Variants in CACNA1A observed in about 807,000 individuals in gnomAD.
The protein encoded by CACNA1A is calcium voltage-gated channel subunit alpha1 A.
CACNA1A carries 57 observed loss-of-function variants against 262.4 expected under a neutral mutation model. The observed-to-expected ratio is 0.22, with a 90% CI of 0.18 to 0.27. The LOEUF (loss-of-function observed/expected upper bound fraction) is 0.27, where lower values mean the gene tolerates loss of function less well. Among genes scored for constraint, CACNA1A ranks in the 10% least tolerant of loss-of-function variants. The pLI, the probability that CACNA1A is intolerant of heterozygous loss-of-function variation, is 1.00. For synonymous variants in CACNA1A, 1,431 were observed against 1,419.3 expected (o/e 1.01, Z -0.18); for missense variants, 2,526 against 3,562.8 (o/e 0.71, Z 7.41).
rs181650091 is a variant in CACNA1A, at chr19:13,335,456, G to A, written c.1082+350C>T. On this transcript the variant is annotated intron_variant, in intron 7 of 46. Transcript: ENST00000360228. ...AAAAATGAAGCCCATTTATGATTAA[G>A]CCAAAAAAATCTTGGGGATAGAGGA... is the stretch of plus-strand genomic sequence containing the variant. Among the ~76,000 whole-genome samples the A allele has an allele frequency of 4.2e-4, 64 of 152,228 alleles. 1 individual carries two copies. The East Asian group carries it at 0.012, about 29-fold the overall frequency.
At chr19:13,402,747 T>C (rs894824152) in intron 3 of CACNA1A, among the ~76,000 whole-genome samples, 2 of 143,922 alleles carry the variant, frequency 1.4e-5, no homozygotes, top group Non-Finnish European at 3.0e-5. Context: ...TATATACACA[T>C]ATATATACAC....
intron 19 of CACNA1A, among the ~76,000 whole-genome samples, chr19:13,294,303 A>G (rs1277870333): frequency 6.6e-6 from 1 of 151,940 alleles, no homozygotes; most frequent in African/African-American, 2.4e-5. Context: ...GAGCACTAGA[A>G]AGTCATGAAG....
intron 1 of CACNA1A, among the ~76,000 whole-genome samples, chr19:13,485,693 T>A (rs929125724): frequency 2.0e-5 from 3 of 152,176 alleles, no homozygotes; most frequent in African/African-American, 7.2e-5. Context: ...AGAAAGGCTA[T>A]AACTTAAAAA....
intron 9 of CACNA1A, among the ~76,000 whole-genome samples, chr19:13,332,472 C>A (rs988044332): frequency 6.6e-6 from 1 of 151,976 alleles, no homozygotes; most frequent in Non-Finnish European, 1.5e-5. Flanking sequence ...AGACAGCAGC[C>A]GTTCACAGTA....
intron 36 of CACNA1A, among the ~76,000 whole-genome samples, chr19:13,227,851 G>A (rs2144612109): frequency 6.6e-6 from 1 of 151,852 alleles, no homozygotes; most frequent in East Asian, 1.9e-4. Context: ...GATGCGGAGG[G>A]GAGGGAGAAT....
chr19:13,387,337 C>T (rs2059632701), intron 3 of CACNA1A, among the ~76,000 whole-genome samples: 1 of 152,184 alleles, frequency 6.6e-6, no homozygotes, highest in African/African-American at 2.4e-5. Context: ...AATGTATTCT[C>T]TTCCAGGTTG....
intron 1 of CACNA1A, among the ~76,000 whole-genome samples, chr19:13,489,920 T>G (rs1980550611): frequency 6.6e-6 from 1 of 152,214 alleles, no homozygotes; most frequent in Admixed American, 6.5e-5. Flanking sequence ...GAGATCTTTA[T>G]TTTTGAGCCT....
At chr19:13,446,604 G>A (rs1378116386) in intron 3 of CACNA1A, among the ~76,000 whole-genome samples, 2 of 143,842 alleles carry the variant, frequency 1.4e-5, no homozygotes. Context: ...ACACCACCAT[G>A]CCAGGCTTTT....
At chr19:13,228,825 G>T in intron 36 of CACNA1A, 1 of 1,353,490 alleles carries the variant, frequency 7.4e-7, no homozygotes, top group Non-Finnish European at 1.0e-6. Flanking sequence ...GGTTAGTGCA[G>T]GCAATGGGTT....
In CACNA1A at chr19:13,301,652, C is replaced by T. The variant is rs1047123409; in HGVS notation, c.2173-996G>A. Among the ~76,000 whole-genome samples, 8 of 152,276 alleles carry T rather than the reference C, an allele frequency of 5.3e-5. No homozygotes were observed. In the South Asian group the frequency reaches 8.3e-4, roughly 16 times the overall value. ...TTCAGCCTTCATGCAGGGCCTCATTCGTAAAACAGAAAAGCCAACAAAGAA... is the reference window on the plus strand; with the variant it reads ...TTCAGCCTTCATGCAGGGCCTCATTTGTAAAACAGAAAAGCCAACAAAGAA... On this transcript the variant is annotated intron_variant, in intron 17 of 46. Transcript: ENST00000360228.
intron 24 of CACNA1A, among the ~76,000 whole-genome samples, chr19:13,270,522 C>T (rs1398301673): frequency 6.6e-6 from 1 of 152,188 alleles, no homozygotes; most frequent in African/African-American, 2.4e-5. Context: ...AAGCAAAGTC[C>T]TCATAGGGTG....
In CACNA1A at chr19:13,207,503, G is replaced by A. The variant is rs2054610560; in HGVS notation, c.7331C>T (p.Ser2444Phe). 1.4e-6 allele frequency: 2 copies of A among 1,423,632 alleles called. No individual in the cohort carries two copies. Among genetic ancestry groups the A allele is most frequent in the South Asian group, 2.8e-5 (2 of 72,140 alleles). The allele number at this position is 1,423,632 out of a possible 1,614,324, so 88.2% of individuals were successfully genotyped here. The change falls in exon 47 of 47, where the codon TCC becomes TTC. Residue 2444 changes from serine to phenylalanine, a missense_variant. This residue lies in a region of CACNA1A where 929 missense variants were observed against 868.1 expected (regional missense o/e 1.07). Coordinates refer to ENST00000360228, the MANE Select transcript of CACNA1A (RefSeq NM_001127222.2). This position sits in a 1 kb window ranked among gnomAD's most constrained non-coding sequence, Gnocchi z 5.7. Reference sequence around the variant, plus strand: ...GGGCGAGCGCCCGGTGGCGCCCGAGGACGCGTGTCGTACGGGGGGTGGCGC... The same window carrying A: ...GGGCGAGCGCCCGGTGGCGCCCGAGAACGCGTGTCGTACGGGGGGTGGCGC... The part of the protein sequence containing the change: ...YDAPPPVRHA[S>F]SGATGRSPRT...
At position 13,359,892 on chromosome 19, in the gene CACNA1A, C is replaced by T. The variant is rs114966988; in HGVS notation, c.785-93G>A. ...CAGTGACTCTATAATGCTGTTGGAA[C>T]GAATAACTTTTGGGACAAACGTGAT... On this transcript the variant is annotated intron_variant, in intron 5 of 46. Transcript: ENST00000360228. The T allele has an allele frequency of 1.5e-3, 1,189 of 812,006 alleles. 5 individuals carry two copies. In the African/African-American group the frequency reaches 0.016, roughly 11 times the overall value. 50.3% of individuals were successfully genotyped at this position (812,006 alleles called of 1,614,324 possible).
intron 30 of CACNA1A, among the ~76,000 whole-genome samples, chr19:13,249,000 GTGT>G (rs2056326176): frequency 6.6e-6 from 1 of 152,138 alleles, no homozygotes; most frequent in Admixed American, 6.6e-5. Context: ...TCCGGGTCTT[GTGT>G]TGTTGCTCAG....
chr19:13,393,594 TTCCC>T (rs71170506), intron 3 of CACNA1A, among the ~76,000 whole-genome samples: 37,774 of 135,122 alleles, frequency 0.28, 5,950 homozygotes, highest in East Asian at 0.45. Flanking sequence ...CCTCCTCCTC[TTCCC>T]TCCCTATTTT....
At chr19:13,398,280 A>G (rs2059843567) in intron 3 of CACNA1A, among the ~76,000 whole-genome samples, 1 of 152,070 alleles carries the variant, frequency 6.6e-6, no homozygotes, top group African/African-American at 2.4e-5. Flanking sequence ...AAAAAAAAAA[A>G]GAATACACCT....
intron 23 of CACNA1A, among the ~76,000 whole-genome samples, chr19:13,276,614 A>G (rs2057153648): frequency 6.7e-6 from 1 of 148,302 alleles, no homozygotes; most frequent in Non-Finnish European, 1.5e-5. Flanking sequence ...CTTCAAACAC[A>G]CCAGGCATTT....
intron 1 of CACNA1A, among the ~76,000 whole-genome samples, chr19:13,473,780 T>C (rs1055217613): frequency 3.3e-5 from 5 of 151,000 alleles, no homozygotes; most frequent in Non-Finnish European, 5.9e-5. Context: ...AAAATGTTTA[T>C]TGAATGAGCA....
chr19:13,276,030 G>T, intron 23 of CACNA1A, 74 bp from the exon 24 acceptor site: 1 of 930,254 alleles, frequency 1.1e-6, no homozygotes, highest in Non-Finnish European at 1.7e-6. Context: ...CCACTCTCTA[G>T]CCTCTCGGGG....
Sources: gnomAD v4.1 joint callset for allele counts (sites outside exome capture counted in the v4.1 genomes callset) on GRCh38, gnomAD v4.1.1 for gene constraint, gnomAD v4.1.1 regional missense constraint, Gnocchi (gnomAD v3.1) non-coding constraint, MANE v1.5 for transcripts, NCBI Gene and HGNC (gene_info 2026-07-23, HGNC 2026-07-21) for gene names.